The following CLTRN variants were observed in gnomAD, a reference collection of about 807,000 sequenced individuals.
The protein encoded by CLTRN is collectrin.
In CLTRN, 12 loss-of-function variants were observed where a neutral mutation model predicts 14.5. The observed-to-expected ratio is 0.83, with a 90% CI of 0.53 to 1.34. The LOEUF is 1.34. CLTRN is among the 40% of genes most tolerant of loss of function. The pLI, the probability that CLTRN is intolerant of heterozygous loss-of-function variation, is 0.00. For missense variants in CLTRN, 154 were observed against 165.1 expected, an observed-to-expected ratio of 0.93 and a Z score of 0.37; for synonymous variants, 58 against 56.5, an observed-to-expected ratio of 1.03 and a Z score of -0.12.
intron 3 of CLTRN, chrX:15,647,017 C>T (rs1929097457): frequency 4.0e-6 from 1 of 247,343 alleles, no homozygotes; most frequent in African/African-American, 2.9e-5. Context: ...GATATGTGGC[C>T]GCCAGGCGCC....
At chrX:15,658,178 T>C (rs1045367315) in intron 3 of CLTRN, among the ~76,000 whole-genome samples, 3 of 112,618 alleles carry the variant, frequency 2.7e-5, no homozygotes, top group Non-Finnish European at 5.6e-5. Context: ...AAGTAGAGCA[T>C]AAGTGAGGCA....
intron 5 of CLTRN, among the ~76,000 whole-genome samples, chrX:15,632,189 G>A (rs1163705218): frequency 8.9e-6 from 1 of 111,793 alleles, no homozygotes; most frequent in Non-Finnish European, 1.9e-5. Context: ...GTGGCCCTCA[G>A]AGCTAGGGGA....
At chrX:15,655,300 C>T (rs932378989) in intron 3 of CLTRN, among the ~76,000 whole-genome samples, 3 of 112,330 alleles carry the variant, frequency 2.7e-5, no homozygotes, top group Non-Finnish European at 5.6e-5. Flanking sequence ...GTGGTTCCCC[C>T]GCTTTGAGAG....
At chrX:15,665,247 T>A (rs1929597642), upstream of CLTRN, among the ~76,000 whole-genome samples, 1 of 111,703 alleles carries the variant, frequency 9.0e-6, no homozygotes, top group Non-Finnish European at 1.9e-5. Flanking sequence ...AAGGGTGCCC[T>A]CCGTGAAGGG....
intron 5 of CLTRN, among the ~76,000 whole-genome samples, chrX:15,638,116 T>C (rs1225913334): frequency 8.9e-6 from 1 of 112,045 alleles, no homozygotes; most frequent in African/African-American, 3.2e-5. Flanking sequence ...GAACACAGAA[T>C]CAAAGCATCT....
intron 3 of CLTRN, among the ~76,000 whole-genome samples, chrX:15,657,048 G>C (rs1156458044): frequency 2.7e-5 from 3 of 109,215 alleles, no homozygotes; most frequent in Admixed American, 9.7e-5. Context: ...ACCCAGGCTG[G>C]AGTGCAGTGG....
At chrX:15,674,340 G>T (rs1254127843) in intron 1 of CLTRN, among the ~76,000 whole-genome samples, 1 of 111,792 alleles carries the variant, frequency 8.9e-6, no homozygotes, top group Non-Finnish European at 1.9e-5. Context: ...GAGCATTAGG[G>T]CACCAAGTGC....
At chrX:15,663,429 T>C (rs113049740) in intron 2 of CLTRN, among the ~76,000 whole-genome samples, 2,158 of 112,336 alleles carry the variant, frequency 0.019, 46 homozygotes, top group African/African-American at 0.065. Context: ...CTCAGTTTTC[T>C]CATCCATTCA....
At chrX:15,633,333 T>G (rs1215427302) in intron 5 of CLTRN, among the ~76,000 whole-genome samples, 1 of 112,505 alleles carries the variant, frequency 8.9e-6, no homozygotes, top group East Asian at 2.8e-4. Flanking sequence ...ATCCATCGTT[T>G]TAACCACTCA....
intron 1 of CLTRN, among the ~76,000 whole-genome samples, chrX:15,671,346 A>C (rs901356495): frequency 6.2e-5 from 7 of 112,690 alleles, no homozygotes; most frequent in African/African-American, 2.3e-4. Flanking sequence ...TTTAAAGATA[A>C]AACATGAAAG....
At chrX:15,649,111 G>A (rs1025398471) in intron 3 of CLTRN, among the ~76,000 whole-genome samples, 1 of 111,129 alleles carries the variant, frequency 9.0e-6, no homozygotes, top group Non-Finnish European at 1.9e-5. Context: ...CTAAGGAGGT[G>A]GAGACAAAAG....
intron 2 of CLTRN, among the ~76,000 whole-genome samples, chrX:15,660,998 T>C (rs1332168146): frequency 8.9e-6 from 1 of 112,567 alleles, no homozygotes. Context: ...AAGTAACTGA[T>C]TGGTGGCATA....
rs754216082 is a variant in CLTRN at position 15,651,418 on chromosome X, C to T, written c.204-6389G>A. 6.3e-5 allele frequency among the ~76,000 whole-genome samples: 7 copies of T among 110,633 alleles called. No individual in the cohort carries two copies. The East Asian group carries it at 1.4e-3, about 22-fold the overall frequency. ...CCAAAGTGGAAGCCAGTAACCCCCA[C>T]GGTGGCAGAATTTGCACATAGTTCC... On this transcript the variant is annotated intron_variant, in intron 3 of 5. Transcript: ENST00000380342.
At chrX:15,646,635 C>T in intron 3 of CLTRN, 2 of 341,990 alleles carry the variant, frequency 5.8e-6, no homozygotes, top group Non-Finnish European at 5.9e-6. Context: ...CATCCGCATC[C>T]GGAGAGAGAT....
At chrX:15,661,765 C>T (rs982131833) in intron 2 of CLTRN, among the ~76,000 whole-genome samples, 1 of 112,450 alleles carries the variant, frequency 8.9e-6, no homozygotes, top group African/African-American at 3.2e-5. Context: ...ACCTGTTGTG[C>T]GTATACTTGA....
chrX:15,654,225 T>C (rs939777178), intron 3 of CLTRN, among the ~76,000 whole-genome samples: 8 of 112,728 alleles, frequency 7.1e-5, no homozygotes, highest in African/African-American at 2.6e-4. Context: ...ATCACAAGAC[T>C]TATCCTTGAA....
upstream of CLTRN, among the ~76,000 whole-genome samples, chrX:15,665,848 C>T (rs749903693): frequency 1.2e-4 from 13 of 112,134 alleles, no homozygotes; most frequent in South Asian, 1.5e-3. Flanking sequence ...GGAACTGAGG[C>T]TCCAGCGTTG....
intron 1 of CLTRN, among the ~76,000 whole-genome samples, chrX:15,673,151 A>G (rs1404931893): frequency 3.5e-5 from 4 of 112,715 alleles, no homozygotes; most frequent in Non-Finnish European, 3.7e-5. Flanking sequence ...GCTAAAAATT[A>G]TTTTTAAAAA....
intron 3 of CLTRN, among the ~76,000 whole-genome samples, chrX:15,653,292 G>T (rs1929270978): frequency 9.1e-6 from 1 of 109,777 alleles, no homozygotes; most frequent in Non-Finnish European, 1.9e-5. Flanking sequence ...CTGAAACAGG[G>T]TGAAGAGTGA....
Sources: gnomAD v4.1 joint callset for allele counts (sites outside exome capture counted in the v4.1 genomes callset) on GRCh38, gnomAD v4.1.1 for gene constraint, MANE v1.5 for transcripts, NCBI Gene and HGNC (gene_info 2026-07-23, HGNC 2026-07-21) for gene names.